Variants in RNF150 observed in about 807,000 individuals in gnomAD.
The protein encoded by RNF150 is ring finger protein 150.
A neutral mutation model predicts 39.3 loss-of-function variants in RNF150; 24 were observed. The ratio of observed to expected loss-of-function variants is 0.61; its 90% CI spans 0.44 to 0.86. RNF150 has a LOEUF of 0.86. Ranked by LOEUF, RNF150 falls within the 40% of genes least tolerant of loss-of-function variation. The pLI is 0.00. For missense variants in RNF150, 502 were observed against 587.8 expected (o/e 0.85, Z 1.51); for synonymous variants, 255 against 227.3 (o/e 1.12, Z -1.10).
intron 1 of RNF150, among the ~76,000 whole-genome samples, chr4:141,025,375 G>A (rs1735657673): frequency 6.6e-6 from 1 of 152,066 alleles, no homozygotes. Context: ...CGAGCAGGAG[G>A]TAAATGGTGT....
chr4:140,948,607 A>T (rs746374219), intron 3 of RNF150, among the ~76,000 whole-genome samples: 11 of 151,946 alleles, frequency 7.2e-5, no homozygotes, highest in East Asian at 1.9e-4. Flanking sequence ...TTTTGATTTT[A>T]AAAAAAAATT....
Position 140,875,920 on chromosome 4 carries a change from C to T in RNF150, c.1199-7541G>A, listed in dbSNP as rs184547952. 1.3e-4 allele frequency among the ~76,000 whole-genome samples: 20 copies of T among 152,224 alleles called. No individual in the cohort carries two copies. In the East Asian group the frequency reaches 3.5e-3, roughly 26 times the overall value. On this transcript the variant is annotated intron_variant, in intron 6 of 6. Coordinates refer to ENST00000515673, the MANE Select transcript of RNF150 (RefSeq NM_020724.2). ...CTACTGCCTGTCTTATGAAAGAAGG[C>T]ACAGACCAGTAGCAGGCTGGCATAA...
intron 1 of RNF150, among the ~76,000 whole-genome samples, chr4:141,066,240 CGA>C (rs1491312568): frequency 1.4e-5 from 1 of 69,764 alleles, no homozygotes; most frequent in African/African-American, 3.6e-5. Flanking sequence ...AGTATATGTG[CGA>C]AAAAAAAAAA....
At chr4:140,896,344 A>G (rs1217665361) in intron 6 of RNF150, among the ~76,000 whole-genome samples, 1 of 12,810 alleles carries the variant, frequency 7.8e-5, no homozygotes, top group African/African-American at 3.1e-4. Context: ...ACACCATGGA[A>G]TACTATGCAG....
chr4:141,092,305 T>C (rs541996826), intron 1 of RNF150, among the ~76,000 whole-genome samples: 2 of 150,930 alleles, frequency 1.3e-5, no homozygotes, highest in South Asian at 4.2e-4. Flanking sequence ...ATTGCGCCAC[T>C]GCACTCCAGC....
In RNF150 at chr4:140,945,578, T is replaced by C. The variant is rs560005139; in HGVS notation, c.890+2076A>G. Among the ~76,000 whole-genome samples the C allele has an allele frequency of 1.6e-3, 232 of 148,142 alleles. 2 individuals are homozygous for C. The highest frequency in any genetic ancestry group is 5.3e-3 in the African/African-American group (217 of 40,816). On this transcript the variant is annotated intron_variant, in intron 4 of 6. Transcript: ENST00000515673. ...ACATATATATATACATATATACATATATATACTACATATATACATATATAC... is the reference window on the plus strand; with the variant it reads ...ACATATATATATACATATATACATACATATACTACATATATACATATATAC...
intron 4 of RNF150, among the ~76,000 whole-genome samples, chr4:140,946,677 AT>A (rs376112449): frequency 0.01 from 1,529 of 151,178 alleles, 11 homozygotes; most frequent in Middle Eastern, 0.021. Context: ...CTAATTTTTA[AT>A]TTTTTTTTGT....
At chr4:140,890,486 A>T (rs1187211548) in intron 6 of RNF150, among the ~76,000 whole-genome samples, 1 of 152,168 alleles carries the variant, frequency 6.6e-6, no homozygotes, top group Non-Finnish European at 1.5e-5. Flanking sequence ...CAATATAATG[A>T]TATTAGAAGG....
At chr4:141,011,687 G>A (rs1254274132) in intron 1 of RNF150, among the ~76,000 whole-genome samples, 1 of 152,172 alleles carries the variant, frequency 6.6e-6, no homozygotes, top group African/African-American at 2.4e-5. Context: ...ACTTGGCACA[G>A]TACCAAGACA....
chr4:141,095,927 C>T (rs927040797), intron 1 of RNF150, among the ~76,000 whole-genome samples: 3 of 151,710 alleles, frequency 2.0e-5, no homozygotes, highest in African/African-American at 7.3e-5. Context: ...TTAAACTTCA[C>T]ATGTTACATA....
chr4:141,158,409 G>A (rs565317478), intron 1 of RNF150, among the ~76,000 whole-genome samples: 2 of 151,392 alleles, frequency 1.3e-5, no homozygotes, highest in Admixed American at 1.3e-4. Context: ...ACTATGACCA[G>A]TTGGCCACTG....
intron 1 of RNF150, among the ~76,000 whole-genome samples, chr4:140,992,762 G>A (rs753946069): frequency 3.3e-5 from 5 of 152,162 alleles, no homozygotes; most frequent in Non-Finnish European, 7.3e-5. Flanking sequence ...TCATGCTAGG[G>A]ACAACTGTGA....
At chr4:141,161,130 G>C (rs1472822336) in intron 1 of RNF150, among the ~76,000 whole-genome samples, 1 of 152,162 alleles carries the variant, frequency 6.6e-6, no homozygotes, top group Non-Finnish European at 1.5e-5. Context: ...CCGAAGCGCT[G>C]ATAGTGATAT....
intron 1 of RNF150, among the ~76,000 whole-genome samples, chr4:141,089,782 A>T (rs959835508): frequency 6.6e-6 from 1 of 152,146 alleles, no homozygotes; most frequent in Non-Finnish European, 1.5e-5. Context: ...TACCCAGAAT[A>T]TTTTTTGTCT....
At chr4:140,918,192 A>G (rs1249707351) in intron 5 of RNF150, among the ~76,000 whole-genome samples, 3 of 152,236 alleles carry the variant, frequency 2.0e-5, no homozygotes, top group African/African-American at 7.2e-5. Flanking sequence ...AACTAAAATC[A>G]GAGCAGAACT....
chr4:141,054,001 C>G (rs1011355214), intron 1 of RNF150, among the ~76,000 whole-genome samples: 1 of 152,132 alleles, frequency 6.6e-6, no homozygotes, highest in East Asian at 1.9e-4. Flanking sequence ...GTAAAAAAAT[C>G]ACATAATAAC....
chr4:140,939,652 G>A (rs1231758365), intron 4 of RNF150, among the ~76,000 whole-genome samples: 1 of 128,212 alleles, frequency 7.8e-6, no homozygotes, highest in East Asian at 2.5e-4. Flanking sequence ...GTGTGTGTGT[G>A]TGTGTGTGTT....
chr4:141,158,067 C>A (rs986728426), intron 1 of RNF150, among the ~76,000 whole-genome samples: 1 of 152,062 alleles, frequency 6.6e-6, no homozygotes, highest in Non-Finnish European at 1.5e-5. Flanking sequence ...CTGAGGCAGG[C>A]GGATCACGAG....
At chr4:141,086,067 CA>C (rs1283847162) in intron 1 of RNF150, among the ~76,000 whole-genome samples, 10 of 144,758 alleles carry the variant, frequency 6.9e-5, no homozygotes, top group East Asian at 6.8e-4. Flanking sequence ...CACACACACA[CA>C]CCCTTCTAGG....
Sources: allele counts gnomAD v4.1 joint callset (sites outside exome capture counted in the v4.1 genomes callset), GRCh38; gene constraint gnomAD v4.1.1; transcripts MANE v1.5; gene names NCBI Gene and HGNC (gene_info 2026-07-23, HGNC 2026-07-21).